The following CRADD variants were observed in gnomAD, a reference collection of about 807,000 sequenced individuals.
CRADD encodes CARD and death domain containing adaptor protein, also known as death domain-containing protein CRADD.
In CRADD, 9 loss-of-function variants were observed where a neutral mutation model predicts 15.5. The ratio of observed to expected loss-of-function variants is 0.58; its 90% CI spans 0.35 to 1.01. CRADD has a LOEUF of 1.01. Ranked by LOEUF, CRADD falls within the 50% of genes least tolerant of loss-of-function variation. CRADD has a pLI of 0.02. For missense variants in CRADD, 227 were observed against 250.3 expected (o/e 0.91, Z 0.63); for synonymous variants, 118 against 107.6 (o/e 1.10, Z -0.60).
intron 2 of CRADD, among the ~76,000 whole-genome samples, chr12:93,737,046 G>A (rs1316278967): frequency 6.6e-6 from 1 of 152,186 alleles, no homozygotes. Flanking sequence ...ATGTACAAGG[G>A]GTAGAGGAGG....
intron 2 of CRADD, among the ~76,000 whole-genome samples, chr12:93,711,909 C>T (rs540681490): frequency 6.6e-6 from 1 of 152,220 alleles, no homozygotes; most frequent in South Asian, 2.1e-4. Context: ...GCGTGAGCCA[C>T]CACTCCTGGC....
At chr12:93,809,087 T>C (rs1957589131) in intron 2 of CRADD, among the ~76,000 whole-genome samples, 1 of 151,048 alleles carries the variant, frequency 6.6e-6, no homozygotes, top group Admixed American at 6.6e-5. Flanking sequence ...GATAATTTTG[T>C]ATTTTTAATG....
chr12:93,796,353 C>G (rs531498076), intron 2 of CRADD, among the ~76,000 whole-genome samples: 3 of 152,028 alleles, frequency 2.0e-5, no homozygotes, highest in African/African-American at 7.2e-5. Flanking sequence ...ACCTGTAAAC[C>G]CAGCAATTTG....
chr12:93,751,756 C>T lies in CRADD; in HGVS notation c.298+72684C>T, dbSNP rs112454045. Among the ~76,000 whole-genome samples, 314 of 152,244 alleles carry T rather than the reference C, an allele frequency of 2.1e-3. 2 individuals are homozygous for T. The highest frequency in any genetic ancestry group is 6.3e-3 in the African/African-American group (261 of 41,538). On this transcript the variant is annotated intron_variant, in intron 2 of 2. Transcript: ENST00000332896. Reference sequence around the variant, plus strand: ...GTGTGTGCCTGTAGTCCCAGCTACTCGGGAGACTGAGGCCAGGGAATCACT... The same window carrying T: ...GTGTGTGCCTGTAGTCCCAGCTACTTGGGAGACTGAGGCCAGGGAATCACT...
chr12:93,683,269 G>A (rs1339315721), intron 2 of CRADD, among the ~76,000 whole-genome samples: 1 of 152,240 alleles, frequency 6.6e-6, no homozygotes, highest in Non-Finnish European at 1.5e-5. Context: ...CTGTTCCACT[G>A]TGTTGGCCCT....
intron 2 of CRADD, among the ~76,000 whole-genome samples, chr12:93,876,868 G>A (rs1958460819): frequency 6.6e-6 from 1 of 152,066 alleles, no homozygotes; most frequent in Admixed American, 6.5e-5. Flanking sequence ...TTCCCTGGGT[G>A]GTGTTGATAG....
At chr12:93,713,044 G>A (rs897728229) in intron 2 of CRADD, among the ~76,000 whole-genome samples, 1 of 152,076 alleles carries the variant, frequency 6.6e-6, no homozygotes, top group Non-Finnish European at 1.5e-5. Context: ...TTTTTTGTGT[G>A]TGTCTTTATT....
At chr12:93,737,223 A>T (rs1956586707) in intron 2 of CRADD, among the ~76,000 whole-genome samples, 1 of 152,210 alleles carries the variant, frequency 6.6e-6, no homozygotes, top group South Asian at 2.1e-4. Flanking sequence ...AAGTACTTAG[A>T]TATTACTATA....
chr12:93,748,047 A>G (rs1956782775), intron 2 of CRADD, among the ~76,000 whole-genome samples: 1 of 152,184 alleles, frequency 6.6e-6, no homozygotes, highest in Non-Finnish European at 1.5e-5. Flanking sequence ...TATGGTAAGT[A>G]TACGTTTATA....
At chr12:93,693,257 G>A (rs1955615418) in intron 2 of CRADD, among the ~76,000 whole-genome samples, 1 of 152,102 alleles carries the variant, frequency 6.6e-6, no homozygotes, top group Non-Finnish European at 1.5e-5. Context: ...TACCTTGAAT[G>A]TAAATGGATT....
intron 2 of CRADD, among the ~76,000 whole-genome samples, chr12:93,736,678 CT>C (rs1956575801): frequency 1.3e-5 from 2 of 152,180 alleles, no homozygotes; most frequent in African/African-American, 2.4e-5. Context: ...GATCCTACCC[CT>C]GGTCTAATTA....
At chr12:93,844,999 AAAACCCTTGGC>A (rs1158257596) in intron 2 of CRADD, among the ~76,000 whole-genome samples, 3 of 152,162 alleles carry the variant, frequency 2.0e-5, no homozygotes, top group African/African-American at 7.2e-5. Flanking sequence ...AACAAAAAAC[AAAACCCTTGGC>A]AGAGTTAGGA....
At chr12:93,781,347 AAGG>A (rs1489737724) in intron 2 of CRADD, among the ~76,000 whole-genome samples, 5 of 152,206 alleles carry the variant, frequency 3.3e-5, no homozygotes, top group Non-Finnish European at 5.9e-5. Context: ...TGGATTTAAA[AAGG>A]AGATCTCACA....
chr12:93,812,813 A>G (rs1397975967), intron 2 of CRADD, among the ~76,000 whole-genome samples: 2 of 152,218 alleles, frequency 1.3e-5, no homozygotes, highest in East Asian at 1.9e-4. Flanking sequence ...ATGATTTACA[A>G]CTGGTGTAAA....
chr12:93,820,334 G>A (rs1462117881), intron 2 of CRADD, among the ~76,000 whole-genome samples: 2 of 152,016 alleles, frequency 1.3e-5, no homozygotes, highest in African/African-American at 4.8e-5. Context: ...AAGGTCAGGA[G>A]ATAGAGACCA....
At chr12:93,770,718 G>A (rs1174732526) in intron 2 of CRADD, among the ~76,000 whole-genome samples, 1 of 152,166 alleles carries the variant, frequency 6.6e-6, no homozygotes, top group Non-Finnish European at 1.5e-5. Context: ...GTAGACTGAG[G>A]ACTACATCTT....
intron 2 of CRADD, among the ~76,000 whole-genome samples, chr12:93,736,995 T>C (rs1956581765): frequency 1.3e-5 from 2 of 152,202 alleles, no homozygotes; most frequent in Non-Finnish European, 1.5e-5. Context: ...ACCAGACATA[T>C]GAGCAAACAT....
intron 2 of CRADD, among the ~76,000 whole-genome samples, chr12:93,683,703 C>T (rs1367517603): frequency 2.0e-5 from 3 of 152,222 alleles, no homozygotes; most frequent in Non-Finnish European, 4.4e-5. Context: ...ACCTGCCGCC[C>T]TCCTGAGATA....
At chr12:93,843,441 C>T (rs1958073921) in intron 2 of CRADD, among the ~76,000 whole-genome samples, 1 of 139,200 alleles carries the variant, frequency 7.2e-6, no homozygotes, top group South Asian at 2.3e-4. Flanking sequence ...AGTGCAGTGG[C>T]GTGATCTCGC....
Sources: gnomAD v4.1 joint callset for allele counts (sites outside exome capture counted in the v4.1 genomes callset) on GRCh38, gnomAD v4.1.1 for gene constraint, MANE v1.5 for transcripts, NCBI Gene and HGNC (gene_info 2026-07-23, HGNC 2026-07-21) for gene names.